The following SPG11 variants were observed in gnomAD, a reference collection of about 807,000 sequenced individuals.
SPG11 encodes SPG11 vesicle trafficking associated, spatacsin, also known as spatacsin.
Under a neutral mutation model 274.0 loss-of-function variants are expected in SPG11, and 222 were observed. That is an observed-to-expected ratio of 0.81 (90% CI 0.73 to 0.91). The LOEUF is 0.91. Ranked by LOEUF, SPG11 falls within the 40% of genes least tolerant of loss-of-function variation. The pLI is 0.00. For synonymous variants in SPG11, 1,144 were observed against 1,039.7 expected (o/e 1.10, Z -1.93); for missense variants, 3,114 against 2,872.7 (o/e 1.08, Z -1.92).
In SPG11 at chr15:44,585,801, T is replaced by C; in HGVS notation, c.4956A>G (p.Thr1652=). The change falls in exon 29 of 40, where the codon ACA becomes ACG. Residue 1652 remains threonine (T), a synonymous_variant. Transcript: ENST00000261866. ...TAATTGTATGATTAATGGCTATGGA[T>C]GTATCCTTCAAAATCTGGCAAAGGA... ...LCILCQILKD[T]SIAINHTIIT... 1 of 1,614,054 alleles carries C rather than the reference T, an allele frequency of 6.2e-7. No homozygotes were observed. Among genetic ancestry groups the C allele is most frequent in the Non-Finnish European group, 8.5e-7 (1 of 1,179,992 alleles).
At chr15:44,639,733 G>A (rs1356642761) in intron 7 of SPG11, among the ~76,000 whole-genome samples, 1 of 151,546 alleles carries the variant, frequency 6.6e-6, no homozygotes, top group Non-Finnish European at 1.5e-5. Context: ...TACATACAAG[G>A]ATTTGAAAAG....
intron 7 of SPG11, among the ~76,000 whole-genome samples, chr15:44,635,991 T>C (rs930334697): frequency 6.6e-6 from 1 of 152,024 alleles, no homozygotes; most frequent in African/African-American, 2.4e-5. Flanking sequence ...CTGGAGAATT[T>C]GTCAAGCTGT....
intron 11 of SPG11, among the ~76,000 whole-genome samples, chr15:44,624,283 T>C (rs1239694669): frequency 6.7e-6 from 1 of 149,964 alleles, no homozygotes; most frequent in African/African-American, 2.5e-5. Flanking sequence ...AGCCCAAGAG[T>C]TCGAGACCAG....
chr15:44,585,430 CA>C lies in SPG11; in HGVS notation c.5121+205del, dbSNP rs67858533. ...TGAAACCCCATCTCTACTAAAAATACAAAAAAAAAAAAAAAAAAAAATTCAG... is the reference window on the plus strand; with the variant it reads ...TGAAACCCCATCTCTACTAAAAATACAAAAAAAAAAAAAAAAAAAATTCAG... On this transcript the variant is annotated intron_variant, in intron 29 of 39. Transcript: ENST00000261866. Among the ~76,000 whole-genome samples the C allele has an allele frequency of 3.1e-3, 303 of 97,258 alleles. 1 individual carries two copies. Among genetic ancestry groups the C allele is most frequent in the African/African-American group, 0.012 (272 of 23,620 alleles). 63.8% of individuals were successfully genotyped at this position (97,258 alleles called of 152,430 possible). A position where few individuals can be genotyped will look rare whatever the true frequency, so the allele number is the denominator to read the frequency against.
intron 37 of SPG11, 29 bp from the exon 38 acceptor site, chr15:44,566,038 A>C: frequency 1.9e-6 from 3 of 1,613,026 alleles, no homozygotes; most frequent in Non-Finnish European, 1.7e-6. Flanking sequence ...GAGGCACAGT[A>C]GAGAAAGACC....
intron 7 of SPG11, among the ~76,000 whole-genome samples, chr15:44,634,982 G>A (rs1406411497): frequency 1.3e-5 from 2 of 151,892 alleles, no homozygotes; most frequent in African/African-American, 4.8e-5. Context: ...TTGGGAGGTC[G>A]AGGCAGGTGG....
At chr15:44,610,406 G>A (rs972209910) in intron 18 of SPG11, among the ~76,000 whole-genome samples, 12 of 151,690 alleles carry the variant, frequency 7.9e-5, no homozygotes, top group Admixed American at 6.6e-5. Context: ...TTTTTGAGAC[G>A]GAGTCCCGCT....
Position 44,603,498 on chromosome 15 carries a change from T to A in SPG11, c.3520+2527A>T, listed in dbSNP as rs549375053. Among the ~76,000 whole-genome samples the A allele has an allele frequency of 7.6e-4, 116 of 152,352 alleles. 1 individual carries two copies. The highest frequency in any genetic ancestry group is 2.7e-3 in the African/African-American group (111 of 41,582). Reference sequence around the variant, plus strand: ...ATGTTGTATTCATAGAGCATGAATATCTTAGAAAGATGGCACCATCCTTCT... The same window carrying A: ...ATGTTGTATTCATAGAGCATGAATAACTTAGAAAGATGGCACCATCCTTCT... On this transcript the variant is annotated intron_variant, in intron 20 of 39. Coordinates refer to ENST00000261866, the MANE Select transcript of SPG11 (RefSeq NM_025137.4).
intron 18 of SPG11, among the ~76,000 whole-genome samples, chr15:44,609,485 AGATG>A: frequency 6.6e-6 from 1 of 152,106 alleles, no homozygotes; most frequent in Non-Finnish European, 1.5e-5. Context: ...TAAAAAGCAA[AGATG>A]GGCACATTTC....
At chr15:44,638,115 A>C (rs922584728) in intron 7 of SPG11, among the ~76,000 whole-genome samples, 1 of 152,254 alleles carries the variant, frequency 6.6e-6, no homozygotes, top group African/African-American at 2.4e-5. Flanking sequence ...GCTATGAGTA[A>C]ATGAAGTTAA....
intron 6 of SPG11, among the ~76,000 whole-genome samples, chr15:44,650,531 G>T (rs899804006): frequency 6.6e-6 from 1 of 151,370 alleles, no homozygotes; most frequent in African/African-American, 2.4e-5. Flanking sequence ...GTGCGTGCCT[G>T]TGGTCCCAGC....
intron 7 of SPG11, among the ~76,000 whole-genome samples, chr15:44,645,502 A>C (rs978048744): frequency 6.6e-6 from 1 of 152,202 alleles, no homozygotes; most frequent in African/African-American, 2.4e-5. Flanking sequence ...TAAAACCTAA[A>C]ACTATAAAAA....
chr15:44,563,500 G>A (rs2082240225), intron 39 of SPG11, among the ~76,000 whole-genome samples, 199 bp from the exon 40 acceptor site: 1 of 151,952 alleles, frequency 6.6e-6, no homozygotes, highest in Admixed American at 6.6e-5. Flanking sequence ...CACCACCCTG[G>A]CTAATTTTTC....
In SPG11 at chr15:44,566,517, C is replaced by T. The variant is rs1286404278; in HGVS notation, c.6755-212G>A. Among the ~76,000 whole-genome samples the T allele has an allele frequency of 2.0e-5, 3 of 152,170 alleles. 1 individual carries two copies. The highest frequency in any genetic ancestry group is 4.1e-4 in the South Asian group (2 of 4,822). ...TAGGATTCAGTGCCCCTTCTAATGC[C>T]TCATTTCTCCAAAACATCAAGGAAG... On this transcript the variant is annotated intron_variant, in intron 36 of 39. Transcript: ENST00000261866.
At chr15:44,601,820 A>G (rs1234955350) in intron 20 of SPG11, among the ~76,000 whole-genome samples, 1 of 151,946 alleles carries the variant, frequency 6.6e-6, no homozygotes, top group Non-Finnish European at 1.5e-5. Context: ...TGACCTCCCA[A>G]AGTGCTGCGA....
intron 7 of SPG11, among the ~76,000 whole-genome samples, chr15:44,646,426 G>C (rs1310442020): frequency 2.0e-5 from 3 of 152,178 alleles, no homozygotes; most frequent in Non-Finnish European, 4.4e-5. Context: ...GGCAGAGAGA[G>C]TACAGGGGAA....
chr15:44,564,844 AG>A, intron 38 of SPG11, 146 bp from the exon 39 acceptor site: 1 of 920,588 alleles, frequency 1.1e-6, no homozygotes, highest in South Asian at 1.6e-5. Context: ...TATGTATCAG[AG>A]GTGGTGAAAA....
Position 44,584,446 on chromosome 15 carries a change from C to T in SPG11, c.5234G>A (p.Ser1745Asn), listed in dbSNP as rs763786301. ...TGAGAAAAAGGAAGAAGCTGCTTTG[C>T]TTGAAATTGAATTTTTCTTAAAATT... ...HENFKKNSIS[S>N]KAASSFFSTQ... Residue 1745 changes from serine to asparagine, a missense_variant, in exon 30 of 40, where the codon AGC becomes AAC. By Grantham distance (46) the Ser-to-Asn change is conservative. Transcript: ENST00000261866. The T allele has an allele frequency of 1.4e-5, 23 of 1,614,172 alleles. No homozygotes were observed. The highest frequency in any genetic ancestry group is 1.9e-5 in the Non-Finnish European group (23 of 1,180,030).
At chr15:44,624,207 G>A in intron 11 of SPG11, among the ~76,000 whole-genome samples, 1 of 151,616 alleles carries the variant, frequency 6.6e-6, no homozygotes. Flanking sequence ...AAAAAGAAAG[G>A]CCAAGTATGT....
Sources: gnomAD v4.1 joint callset for allele counts (sites outside exome capture counted in the v4.1 genomes callset) on GRCh38, gnomAD v4.1.1 for gene constraint, MANE v1.5 for transcripts, NCBI Gene and HGNC (gene_info 2026-07-23, HGNC 2026-07-21) for gene names.